The following FUT8 variants were observed in gnomAD, a reference collection of about 807,000 sequenced individuals.
The protein encoded by FUT8 is fucosyltransferase 8.
Under a neutral mutation model 71.3 loss-of-function variants are expected in FUT8, and 29 were observed. The observed-to-expected ratio is 0.41, with a 90% confidence interval of 0.30 to 0.55. The LOEUF is 0.55. Ranked by LOEUF, FUT8 falls within the 20% of genes least tolerant of loss-of-function variation. The pLI, the probability that FUT8 is intolerant of heterozygous loss-of-function variation, is 0.34. For synonymous variants in FUT8, 254 were observed against 239.3 expected (o/e 1.06, Z -0.57); for missense variants, 544 against 702.1 (o/e 0.77, Z 2.55).
chr14:65,704,123 C>T (rs1490202199), intron 7 of FUT8, among the ~76,000 whole-genome samples: 1 of 152,050 alleles, frequency 6.6e-6, no homozygotes, highest in Non-Finnish European at 1.5e-5. Context: ...TACAAATAGC[C>T]TTAAAGCCAT....
chr14:65,639,099 A>G (rs1359816421), intron 6 of FUT8, among the ~76,000 whole-genome samples: 1 of 145,728 alleles, frequency 6.9e-6, no homozygotes, highest in African/African-American at 2.6e-5. Context: ...TTTCCAAGAT[A>G]AAAAAAAAAA....
chr14:65,366,004 GT>G, the FUT8 span, among the ~76,000 whole-genome samples: 1 of 151,996 alleles, frequency 6.6e-6, no homozygotes, highest in Non-Finnish European at 1.5e-5. Context: ...TGCCCAGATA[GT>G]TTTTGTATTT....
chr14:65,365,007 G>C, the FUT8 span, among the ~76,000 whole-genome samples: 5 of 152,106 alleles, frequency 3.3e-5, no homozygotes, highest in Admixed American at 6.6e-5. Flanking sequence ...ACCTTTTGAA[G>C]TTTTGAGTGA....
Position 65,467,825 on chromosome 14 carries a change from G to A in FUT8, c.-228+12107G>A. The A allele has an allele frequency of 1.3e-6, 1 of 764,462 alleles. No individual in the cohort carries two copies. The highest frequency in any genetic ancestry group is 2.4e-6 in the Non-Finnish European group (1 of 413,770). The allele number at this position is 764,462 out of a possible 1,614,324, so 47.4% of individuals were successfully genotyped here. Reference sequence around the variant, plus strand: ...ACACCTGTTATGCTATGAATTCACAGGGAATAGGTTCCAGCAGCTCAGGCT... The same window carrying A: ...ACACCTGTTATGCTATGAATTCACAAGGAATAGGTTCCAGCAGCTCAGGCT... On this transcript the variant is annotated intron_variant, in intron 2 of 10. Coordinates refer to ENST00000673929, the MANE Select transcript of FUT8 (RefSeq NM_001371533.1). The surrounding 1 kb of genome is among the most constrained non-coding windows in gnomAD (Gnocchi z 4.1).
chr14:65,555,486 T>A (rs1167026046), intron 2 of FUT8, among the ~76,000 whole-genome samples: 1 of 152,194 alleles, frequency 6.6e-6, no homozygotes, highest in African/African-American at 2.4e-5. Context: ...CTATGCAAAT[T>A]TTGGAGCTTT....
intron 2 of FUT8, among the ~76,000 whole-genome samples, chr14:65,474,750 C>T (rs1412466094): frequency 1.3e-5 from 2 of 152,070 alleles, no homozygotes; most frequent in Non-Finnish European, 2.9e-5. Context: ...TCTCCTAATA[C>T]CTTGGTGAGC....
intron 2 of FUT8, among the ~76,000 whole-genome samples, chr14:65,527,351 T>C (rs1030240494): frequency 1.3e-5 from 2 of 152,220 alleles, no homozygotes; most frequent in Non-Finnish European, 2.9e-5. Flanking sequence ...TCCAGTTGAT[T>C]GAATCAGCTA....
intron 2 of FUT8, among the ~76,000 whole-genome samples, chr14:65,460,266 C>A (rs2065951870): frequency 6.6e-6 from 1 of 152,148 alleles, no homozygotes; most frequent in South Asian, 2.1e-4. Context: ...CTATCTTTTT[C>A]AAAGAAATCT....
intron 2 of FUT8, among the ~76,000 whole-genome samples, chr14:65,494,537 A>G (rs1261580447): frequency 1.3e-5 from 2 of 152,206 alleles, no homozygotes; most frequent in Admixed American, 1.3e-4. Context: ...GCTGCAAAGC[A>G]TCGCTCTCCA....
At chr14:65,515,508 T>C (rs1178115743) in intron 2 of FUT8, among the ~76,000 whole-genome samples, 1 of 152,050 alleles carries the variant, frequency 6.6e-6, no homozygotes, top group Non-Finnish European at 1.5e-5. Context: ...AAGATTTCAC[T>C]ATATAATGTT....
At chr14:65,444,331 T>G (rs2065706033) in intron 1 of FUT8, among the ~76,000 whole-genome samples, 1 of 152,118 alleles carries the variant, frequency 6.6e-6, no homozygotes. Flanking sequence ...ACAGAGCAAC[T>G]AGAACTCTCC....
intron 7 of FUT8, among the ~76,000 whole-genome samples, chr14:65,678,936 C>T (rs149154533): frequency 1.3e-5 from 2 of 152,176 alleles, no homozygotes; most frequent in East Asian, 3.9e-4. Flanking sequence ...CAACCAAAAA[C>T]GTAGTATTGA....
chr14:65,595,376 T>C (rs1887909374), intron 3 of FUT8, among the ~76,000 whole-genome samples: 1 of 152,134 alleles, frequency 6.6e-6, no homozygotes, highest in African/African-American at 2.4e-5. Flanking sequence ...CATTTCTTAT[T>C]TGAGGTGAAA....
intron 3 of FUT8, among the ~76,000 whole-genome samples, chr14:65,565,279 C>A (rs1886130543): frequency 6.6e-6 from 1 of 151,886 alleles, no homozygotes; most frequent in Non-Finnish European, 1.5e-5. Context: ...AACCCAAATA[C>A]CTCCCACTAG....
At chr14:65,415,811 C>T (rs575047205) in intron 1 of FUT8, among the ~76,000 whole-genome samples, 2 of 151,872 alleles carry the variant, frequency 1.3e-5, no homozygotes, top group South Asian at 4.1e-4. Flanking sequence ...TCCAGCTGAT[C>T]TACCAAATTG....
In FUT8 at chr14:65,611,296, CACA is replaced by C. The variant is rs1888977916; in HGVS notation, c.204-4681_204-4679del. Reference sequence around the variant, plus strand: ...ACACACACACACACACACACACACACACACACCCCCCAAGTAATAGCCTTGATT... The same window carrying C: ...ACACACACACACACACACACACACACCACCCCCCAAGTAATAGCCTTGATT... On this transcript the variant is annotated intron_variant, in intron 3 of 10. Transcript: ENST00000673929. Among the ~76,000 whole-genome samples the C allele has an allele frequency of 1.0e-4, 5 of 49,124 alleles. 1 individual carries two copies. The highest frequency in any genetic ancestry group is 4.9e-4 in the African/African-American group (5 of 10,292). 32.2% of individuals were successfully genotyped at this position (49,124 alleles called of 152,430 possible).
intron 1 of FUT8, among the ~76,000 whole-genome samples, chr14:65,436,250 C>T (rs890021689): frequency 6.6e-5 from 10 of 151,438 alleles, no homozygotes; most frequent in Admixed American, 2.6e-4. Flanking sequence ...TTGAGATCAC[C>T]CTGGGCAACA....
chr14:65,393,607 C>A, the FUT8 span, among the ~76,000 whole-genome samples: 1 of 152,124 alleles, frequency 6.6e-6, no homozygotes, highest in Non-Finnish European at 1.5e-5. Flanking sequence ...CGGAGCCTTT[C>A]TCAGGGTTTC....
intron 8 of FUT8, among the ~76,000 whole-genome samples, chr14:65,723,156 A>G (rs945650734): frequency 2.6e-5 from 4 of 151,062 alleles, no homozygotes; most frequent in African/African-American, 9.7e-5. Flanking sequence ...ATCAATTAAA[A>G]AAAAAAAAAA....
Sources: gnomAD v4.1 joint callset for allele counts (sites outside exome capture counted in the v4.1 genomes callset) on GRCh38, gnomAD v4.1.1 for gene constraint, Gnocchi (gnomAD v3.1) non-coding constraint, MANE v1.5 for transcripts, NCBI Gene and HGNC (gene_info 2026-07-23, HGNC 2026-07-21) for gene names.